The following MARK3 variants were observed in gnomAD, a reference collection of about 807,000 sequenced individuals.
MARK3 encodes the protein MAP/microtubule affinity-regulating kinase 3.
In MARK3, 46 loss-of-function variants were observed where a neutral mutation model predicts 90.1. That is an observed-to-expected ratio of 0.51 (90% CI 0.40 to 0.65). The LOEUF is 0.65. Among genes scored for constraint, MARK3 ranks in the 30% least tolerant of loss-of-function variants. The pLI is 0.00. For synonymous variants in MARK3, 321 were observed against 332.6 expected (o/e 0.97, Z 0.38); for missense variants, 818 against 947.2 (o/e 0.86, Z 1.79).
intron 1 of MARK3, among the ~76,000 whole-genome samples, chr14:103,389,710 G>A (rs559266351): frequency 1.3e-5 from 2 of 151,716 alleles, no homozygotes; most frequent in South Asian, 2.1e-4. Flanking sequence ...TTGGGAGGCC[G>A]GGGCAGGTGG....
chr14:103,399,354 G>T (rs1196849008), intron 1 of MARK3, among the ~76,000 whole-genome samples: 1 of 152,056 alleles, frequency 6.6e-6, no homozygotes, highest in East Asian at 1.9e-4. Flanking sequence ...TAGTGCTTTG[G>T]CTGAACGTCA....
intron 1 of MARK3, among the ~76,000 whole-genome samples, chr14:103,397,575 T>G (rs2090664832): frequency 6.6e-6 from 1 of 152,146 alleles, no homozygotes; most frequent in Non-Finnish European, 1.5e-5. Context: ...TCCTCCTGCC[T>G]CAGCCTCCTA....
intron 14 of MARK3, among the ~76,000 whole-genome samples, chr14:103,486,929 T>TTTAG (rs1566931125): frequency 6.6e-6 from 1 of 151,896 alleles, no homozygotes; most frequent in East Asian, 1.9e-4. Flanking sequence ...TATTTATTTA[T>TTTAG]TTTAATTTGA....
intron 2 of MARK3, among the ~76,000 whole-genome samples, chr14:103,413,955 A>C (rs928832218): frequency 1.4e-4 from 22 of 152,274 alleles, no homozygotes; most frequent in Admixed American, 1.0e-3. Flanking sequence ...TCCCCCACTG[A>C]AGGACATTTG....
At chr14:103,413,568 A>G (rs997787952) in intron 2 of MARK3, among the ~76,000 whole-genome samples, 5 of 151,346 alleles carry the variant, frequency 3.3e-5, no homozygotes, top group East Asian at 3.9e-4. Context: ...GACCACAAGC[A>G]CACAGTACCG....
intron 15 of MARK3, among the ~76,000 whole-genome samples, chr14:103,494,676 G>A (rs946541740): frequency 4.7e-5 from 7 of 149,906 alleles, no homozygotes; most frequent in Admixed American, 6.7e-5. Flanking sequence ...TCACTTTATC[G>A]CCCAGGCTGG....
At chr14:103,418,954 A>G (rs35233301) in intron 2 of MARK3, among the ~76,000 whole-genome samples, 50,362 of 152,060 alleles carry the variant, frequency 0.33, 8,727 homozygotes, top group East Asian at 0.5. Flanking sequence ...CATTGATGAG[A>G]ACAGCAGTTC....
In MARK3 at chr14:103,448,515, T is replaced by C. The variant is rs200515243; in HGVS notation, c.298-404T>C. Among the ~76,000 whole-genome samples the C allele has an allele frequency of 3.9e-5, 6 of 152,218 alleles. No homozygotes were observed. The East Asian group carries it at 1.2e-3, about 29-fold the overall frequency. ...TGGAATTATCAGTTTAATATGCTTA[T>C]GATGTATTTCACTGGAACCATACAG... On this transcript the variant is annotated intron_variant, in intron 3 of 17. Coordinates refer to ENST00000429436, the MANE Select transcript of MARK3 (RefSeq NM_001128918.3).
At chr14:103,447,198 G>C (rs754501073) in intron 3 of MARK3, among the ~76,000 whole-genome samples, 7 of 152,138 alleles carry the variant, frequency 4.6e-5, no homozygotes, top group African/African-American at 1.2e-4. Flanking sequence ...ACTTTGGAAG[G>C]CTGAGGGGGA....
At position 103,405,229 on chromosome 14, in the gene MARK3, A is replaced by T. The variant is rs780320164; in HGVS notation, c.205A>T (p.Lys69Ter). The T allele has an allele frequency of 6.4e-7, 1 of 1,573,012 alleles. No individual in the cohort carries two copies. The highest frequency in any genetic ancestry group is 1.2e-5 in the South Asian group (1 of 85,528). The change falls in exon 2 of 18, where the codon AAA (lysine) becomes TAA (stop). Residue 69 changes from lysine to a stop codon, truncating the protein, a stop_gained. Coordinates refer to ENST00000429436, the MANE Select transcript of MARK3 (RefSeq NM_001128918.3). LOFTEE classifies it high-confidence loss of function. ...AACAATCGGCAAGGGGAATTTTGCAAAAGTAAAATTGGCAAGACATATCCT... is the reference window on the plus strand; with the variant it reads ...AACAATCGGCAAGGGGAATTTTGCATAAGTAAAATTGGCAAGACATATCCT... The part of the protein sequence containing the change: ...LKTIGKGNFA[K>*]VKLARHILTG...
intron 2 of MARK3, among the ~76,000 whole-genome samples, chr14:103,424,062 G>A (rs35410438): frequency 0.39 from 59,070 of 151,820 alleles, 12,889 homozygotes; most frequent in African/African-American, 0.59. Context: ...ACAAAAATTA[G>A]CTGGGTGTGG....
chr14:103,416,632 C>T (rs957206713), intron 2 of MARK3, among the ~76,000 whole-genome samples: 17 of 152,108 alleles, frequency 1.1e-4, no homozygotes, highest in Admixed American at 1.1e-3. Context: ...ATTATCTGGG[C>T]ATGGTGGCGT....
chr14:103,447,328 C>G (rs148870790), intron 3 of MARK3, among the ~76,000 whole-genome samples: 1 of 152,258 alleles, frequency 6.6e-6, no homozygotes, highest in East Asian at 1.9e-4. Context: ...ACAAAAAAAT[C>G]TGGTCCATGT....
At chr14:103,496,490 G>A (rs761913887) in intron 15 of MARK3, among the ~76,000 whole-genome samples, 2 of 151,596 alleles carry the variant, frequency 1.3e-5, no homozygotes, top group East Asian at 2.0e-4. Flanking sequence ...TTGGTTCACT[G>A]CAGTGTCTGC....
At chr14:103,400,270 C>A (rs1307799788) in intron 1 of MARK3, among the ~76,000 whole-genome samples, 4 of 152,110 alleles carry the variant, frequency 2.6e-5, no homozygotes, top group Admixed American at 1.3e-4. Flanking sequence ...ACCCCTACCC[C>A]CTACTACATT....
At chr14:103,404,898 G>T (rs373887860) in intron 1 of MARK3, among the ~76,000 whole-genome samples, 178 bp from the exon 2 acceptor site, 1 of 152,072 alleles carries the variant, frequency 6.6e-6, no homozygotes, top group Non-Finnish European at 1.5e-5. Flanking sequence ...CGTATTTTTC[G>T]TCTCAGAATT....
At chr14:103,448,565 C>T (rs944765447) in intron 3 of MARK3, among the ~76,000 whole-genome samples, 1 of 152,042 alleles carries the variant, frequency 6.6e-6, no homozygotes, top group African/African-American at 2.4e-5. Context: ...AGTTGGGAGC[C>T]CTGGGTAGAT....
intron 5 of MARK3, among the ~76,000 whole-genome samples, chr14:103,453,601 T>G (rs1273012067): frequency 6.6e-6 from 1 of 152,212 alleles, no homozygotes; most frequent in East Asian, 1.9e-4. Flanking sequence ...TTTATATATG[T>G]CTAGTTTGGG....
chr14:103,500,654 C>T (rs1231081152), intron 17 of MARK3, among the ~76,000 whole-genome samples: 1 of 150,918 alleles, frequency 6.6e-6, no homozygotes, highest in Non-Finnish European at 1.5e-5. Flanking sequence ...TTCTGAGACA[C>T]GGTGTCGCTC....
Sources: gnomAD v4.1 joint callset for allele counts (sites outside exome capture counted in the v4.1 genomes callset) on GRCh38, gnomAD v4.1.1 for gene constraint, MANE v1.5 for transcripts, NCBI Gene and HGNC (gene_info 2026-07-23, HGNC 2026-07-21) for gene names.